Variants in RPS4Y1 observed in about 807,000 individuals in gnomAD.
RPS4Y1 encodes ribosomal protein S4 Y-linked 1.
For missense variants in RPS4Y1, 30 were observed against 60.9 expected (o/e 0.49, Z 1.69); for synonymous variants, 23 against 20.8 (o/e 1.10, Z -0.28).
At chrY:2,844,988 T>G (rs2051151665) in intron 3 of RPS4Y1, among the ~76,000 whole-genome samples, 1 of 32,432 alleles carries the variant, frequency 3.1e-5, no homozygotes, top group South Asian at 7.1e-4. Flanking sequence ...TCAGTACAGC[T>G]TTTTAGCCTA....
chrY:2,844,219 A>G lies in RPS4Y1; in HGVS notation c.224A>G (p.Lys75Arg). The G allele has an allele frequency of 5.0e-6, 2 of 398,116 alleles. No individual in the cohort carries two copies. Among genetic ancestry groups the G allele is most frequent in the East Asian group, 9.2e-5 (1 of 10,864 alleles). The change falls in exon 3 of 7, where the codon AAG becomes AGG. Residue 75 changes from lysine to arginine, a missense_variant. Transcript: ENST00000250784. Reference protein sequence around the residue: ...CMQRFIKIDGKVRVDVTYPAG... With the variant: ...CMQRFIKIDGRVRVDVTYPAG... The stretch of plus-strand genomic sequence containing the variant: ...CAACGTTTCATCAAAATTGATGGCA[A>G]GGTTCGAGTGGATGTCACATACCCT...
chrY:2,856,067 C>T (rs2051159686), intron 5 of RPS4Y1, among the ~76,000 whole-genome samples: 1 of 33,723 alleles, frequency 3.0e-5, no homozygotes, highest in African/African-American at 1.2e-4. Context: ...AAAAATGTTA[C>T]GAAGCTGGAG....
chrY:2,866,073 C>T, intron 6 of RPS4Y1, among the ~76,000 whole-genome samples: 1 of 33,111 alleles, frequency 3.0e-5, no homozygotes, highest in South Asian at 6.9e-4. Flanking sequence ...TTAGTAGAGA[C>T]GGGGTTTCAC....
chrY:2,864,830 AATT>A, intron 5 of RPS4Y1, among the ~76,000 whole-genome samples: 1 of 33,945 alleles, frequency 2.9e-5, no homozygotes, highest in South Asian at 6.5e-4. Context: ...ACCTTTGAAG[AATT>A]ATTGTTGGAC....
chrY:2,864,045 A>G (rs550623881), intron 5 of RPS4Y1, among the ~76,000 whole-genome samples: 121 of 33,714 alleles, frequency 3.6e-3, no homozygotes, highest in African/African-American at 0.013. Flanking sequence ...TGGATCAACC[A>G]ATGTATTTGT....
intron 5 of RPS4Y1, among the ~76,000 whole-genome samples, chrY:2,855,081 G>A: frequency 3.0e-5 from 1 of 33,134 alleles, no homozygotes; most frequent in African/African-American, 1.2e-4. Context: ...TGTTTTAAAT[G>A]CGATAAAGTT....
At chrY:2,860,366 G>C (rs2051162778) in intron 5 of RPS4Y1, among the ~76,000 whole-genome samples, 1 of 33,151 alleles carries the variant, frequency 3.0e-5, no homozygotes, top group Non-Finnish European at 7.4e-5. Context: ...CTTAACCTGA[G>C]CATTCCCTTT....
intron 5 of RPS4Y1, among the ~76,000 whole-genome samples, chrY:2,862,051 A>AT (rs374546271): frequency 2.2e-3 from 52 of 23,501 alleles, no homozygotes; most frequent in Middle Eastern, 0.025. Flanking sequence ...CGTGCCTGGC[A>AT]TTTTTTTTTT....
chrY:2,861,924 T>C, intron 5 of RPS4Y1, among the ~76,000 whole-genome samples: 1 of 32,017 alleles, frequency 3.1e-5, no homozygotes, highest in Non-Finnish European at 7.6e-5. Context: ...ATTTTTGTAA[T>C]TTTTCGTAGA....
At chrY:2,844,890 C>G in intron 3 of RPS4Y1, among the ~76,000 whole-genome samples, 12 of 32,312 alleles carry the variant, frequency 3.7e-4, no homozygotes, top group Admixed American at 3.4e-3. Context: ...TCACACACCT[C>G]TAGGGAAAAA....
At chrY:2,866,290 C>T (rs758284332) in intron 6 of RPS4Y1, among the ~76,000 whole-genome samples, 2 of 34,707 alleles carry the variant, frequency 5.8e-5, no homozygotes, top group East Asian at 1.5e-3. Context: ...GCGAAGCCTG[C>T]TGTTGTTTTT....
rs745896311 is a variant in RPS4Y1, at chrY:2,865,164, T to C, written c.609T>C (p.Gly203=). Reference sequence around the variant, plus strand: ...TCACCAACAGGGAAAGACATCCTGGTTCTTTTGATGTGGTGCATGTGAAGG... The same window carrying C: ...TCACCAACAGGGAAAGACATCCTGGCTCTTTTGATGTGGTGCATGTGAAGG... ...GVITNRERHP[G]SFDVVHVKDA... The change falls in exon 6 of 7, where the codon GGT becomes GGC. Residue 203 remains glycine, a synonymous_variant. Transcript: ENST00000250784. The C allele has an allele frequency of 2.5e-6, 1 of 397,947 alleles. No individual in the cohort carries two copies. The highest frequency in any genetic ancestry group is 3.5e-6 in the Non-Finnish European group (1 of 282,872).
chrY:2,860,917 G>A (rs2051163128), intron 5 of RPS4Y1, among the ~76,000 whole-genome samples: 1 of 32,910 alleles, frequency 3.0e-5, no homozygotes, highest in Non-Finnish European at 7.5e-5. Flanking sequence ...TTCTCTTCTA[G>A]TAGGCTTTTT....
chrY:2,856,245 T>G (rs775049063), intron 5 of RPS4Y1, among the ~76,000 whole-genome samples: 1 of 33,282 alleles, frequency 3.0e-5, no homozygotes, highest in African/African-American at 1.2e-4. Flanking sequence ...TTTGCGCCGT[T>G]TTCCTTCCTC....
intron 5 of RPS4Y1, among the ~76,000 whole-genome samples, chrY:2,858,563 G>A: frequency 3.0e-5 from 1 of 33,422 alleles, no homozygotes; most frequent in African/African-American, 1.2e-4. Context: ...ACATGGGGAC[G>A]TAGATTTACC....
In RPS4Y1 at chrY:2,842,230, A is replaced by G; in HGVS notation, c.69A>G (p.Leu23=). ...AAPKHWMLDK[L]TGVFAPRPST... is the part of the protein sequence containing the mutation. ...CGAAGCATTGGATGCTTGACAAACTAACGGGTGTATTTGTGAGTATAACTT... is the reference window on the plus strand; with the variant it reads ...CGAAGCATTGGATGCTTGACAAACTGACGGGTGTATTTGTGAGTATAACTT... The change falls in exon 2 of 7, where the codon CTA becomes CTG. Residue 23 remains leucine (L), a synonymous_variant. Coordinates refer to ENST00000250784, the MANE Select transcript of RPS4Y1 (RefSeq NM_001008.4). 2 of 394,499 alleles carry G rather than the reference A, an allele frequency of 5.1e-6. No individual in the cohort carries two copies. The highest frequency in any genetic ancestry group is 7.1e-6 in the Non-Finnish European group (2 of 281,877).
At chrY:2,851,974 T>G in intron 4 of RPS4Y1, among the ~76,000 whole-genome samples, 1 of 33,493 alleles carries the variant, frequency 3.0e-5, no homozygotes, top group East Asian at 7.7e-4. Context: ...TCACATTACC[T>G]TCATTACACT....
intron 4 of RPS4Y1, among the ~76,000 whole-genome samples, chrY:2,847,796 T>C: frequency 3.0e-5 from 1 of 33,509 alleles, no homozygotes; most frequent in African/African-American, 1.2e-4. Flanking sequence ...GGGTTCAGCT[T>C]GCCTTGCAAC....
At chrY:2,850,840 C>CTT (rs1256704401) in intron 4 of RPS4Y1, among the ~76,000 whole-genome samples, 2 of 18,466 alleles carry the variant, frequency 1.1e-4, no homozygotes, top group Admixed American at 4.9e-4. Context: ...GGGTTTCTTT[C>CTT]TTTTTTTTTT....
Sources: gnomAD v4.1 joint callset for allele counts (sites outside exome capture counted in the v4.1 genomes callset) on GRCh38, gnomAD v4.1.1 for gene constraint, MANE v1.5 for transcripts, NCBI Gene and HGNC (gene_info 2026-07-23, HGNC 2026-07-21) for gene names.